ZFYVE26: variants seen among roughly 807,000 people sequenced by gnomAD.
ZFYVE26 encodes the protein zinc finger FYVE domain-containing protein 26.
A neutral mutation model predicts 276.5 loss-of-function variants in ZFYVE26; 181 were observed. The ratio of observed to expected loss-of-function variants is 0.65; its 90% CI spans 0.58 to 0.74. The LOEUF (loss-of-function observed/expected upper bound fraction) is 0.74. Among genes scored for constraint, ZFYVE26 ranks in the 30% least tolerant of loss-of-function variants. The probability of loss-of-function intolerance (pLI) is 0.00; values close to 1 mark genes in which losing one functional copy is unlikely to be tolerated. For missense variants in ZFYVE26, 2,821 were observed against 3,097.9 expected (o/e 0.91, Z 2.12); for synonymous variants, 1,129 against 1,203.1 (o/e 0.94, Z 1.27).
At chr14:67,759,788 A>G (rs1158323430) in intron 35 of ZFYVE26, among the ~76,000 whole-genome samples, 1 of 152,124 alleles carries the variant, frequency 6.6e-6, no homozygotes, top group Non-Finnish European at 1.5e-5. Context: ...AGTTCTTCCT[A>G]TGGCCATGGA....
At chr14:67,812,140 G>A (rs2040315696) in intron 3 of ZFYVE26, among the ~76,000 whole-genome samples, 1 of 151,986 alleles carries the variant, frequency 6.6e-6, no homozygotes, top group Non-Finnish European at 1.5e-5. Context: ...CTCTATGTTA[G>A]TGAAAACTCA....
chr14:67,732,126 CAAAAAAA>C (rs71129854), intron 13 of ZFYVE26, among the ~76,000 whole-genome samples: 3 of 77,528 alleles, frequency 3.9e-5, no homozygotes, highest in Admixed American at 2.7e-4. Flanking sequence ...GACTCTGTCT[CAAAAAAA>C]AAAAAAAAAA....
rs1182271385 is a variant in ZFYVE26, at chr14:67,798,872, C to G, written c.1640-250G>C. 1.6e-5 allele frequency: 14 copies of G among 872,660 alleles called. No individual in the cohort carries two copies. In the East Asian group the frequency reaches 3.2e-4, roughly 20 times the overall value. The allele number at this position is 872,660 out of a possible 1,614,324, so 54.1% of individuals were successfully genotyped here. A position where few individuals can be genotyped will look rare whatever the true frequency, so the allele number is the denominator to read the frequency against. ...TCCCGCCCCGAGGCCAACCGGGCCT[C>G]CCCAGCCTTTTGGCCACCAGGCCCC... On this transcript the variant is annotated intron_variant, in intron 10 of 41. Transcript: ENST00000347230.
chr14:67,775,786 C>G lies in ZFYVE26; in HGVS notation c.5221+74G>C, dbSNP rs1001586493. On this transcript the variant is annotated intron_variant, in intron 26 of 41. Transcript: ENST00000347230. ...TCAACCCAAAATATTAAAAGGGGAG[C>G]AAATTAAAACTAAGAATGCAGCATG... 5.6e-6 allele frequency: 9 copies of G among 1,609,786 alleles called. No homozygotes were observed. The African/African-American group carries it at 1.2e-4, about 22-fold the overall frequency.
chr14:67,776,088 C>G lies in ZFYVE26; in HGVS notation c.4993G>C (p.Glu1665Gln). Residue 1665 changes from glutamate (E) to glutamine (Q), a missense_variant, in exon 26 of 42, where the codon GAG becomes CAG. Coordinates refer to ENST00000347230, the MANE Select transcript of ZFYVE26 (RefSeq NM_015346.4). ...TGGGAATAGCTGGCCCGGTGCTGCTCAGGCAGGGTCAGCAGAATCTGTTTG... is the reference window on the plus strand; with the variant it reads ...TGGGAATAGCTGGCCCGGTGCTGCTGAGGCAGGGTCAGCAGAATCTGTTTG... Reference protein sequence around the residue: ...VGSKILLTLPEQHRASYSHLS... With the variant: ...VGSKILLTLPQQHRASYSHLS... 1 of 1,614,154 alleles carries G rather than the reference C, an allele frequency of 6.2e-7. No individual in the cohort carries two copies. The highest frequency in any genetic ancestry group is 8.5e-7 in the Non-Finnish European group (1 of 1,180,026).
intron 14 of ZFYVE26, 87 bp downstream of exon 14, chr14:67,793,521 G>A: frequency 6.7e-7 from 1 of 1,484,160 alleles, no homozygotes. Flanking sequence ...ACCCCTGAGT[G>A]CTCCCAGGTG....
chr14:67,733,632 G>T (rs1312398452), intron 13 of ZFYVE26: 3 of 712,442 alleles, frequency 4.2e-6, no homozygotes, highest in Non-Finnish European at 7.5e-6. Context: ...GTTTCTTTGA[G>T]TCTGGCATAT....
intron 19 of ZFYVE26, among the ~76,000 whole-genome samples, chr14:67,784,643 A>C (rs559942886): frequency 2.0e-5 from 3 of 152,328 alleles, no homozygotes; most frequent in African/African-American, 7.2e-5. Context: ...AAAGACTTCC[A>C]ACCCCAGACG....
intron 35 of ZFYVE26, among the ~76,000 whole-genome samples, chr14:67,757,243 G>T (rs145539295): frequency 2.5e-3 from 374 of 152,304 alleles, no homozygotes; most frequent in African/African-American, 8.8e-3. Context: ...CCAAGTGACT[G>T]TTGAAACTGA....
At chr14:67,744,495 A>G (rs1382241542), downstream of ZFYVE26, among the ~76,000 whole-genome samples, 2 of 152,148 alleles carry the variant, frequency 1.3e-5, no homozygotes, top group Non-Finnish European at 2.9e-5. Context: ...GGTCTGCTGC[A>G]CCTATCAACC....
Position 67,798,203 on chromosome 14 carries a change from C to G in ZFYVE26, c.2059G>C (p.Ala687Pro). ...TGCTCTTGGAGAAGCCTGAGGAAGGCCCCTATTGCAAATTCATCAGCCAGA... is the reference window on the plus strand; with the variant it reads ...TGCTCTTGGAGAAGCCTGAGGAAGGGCCCTATTGCAAATTCATCAGCCAGA... The part of the protein sequence containing the change: ...GFLADEFAIG[A>P]FLRLLQEQLD... The change falls in exon 11 of 42, where the codon GCC (alanine) becomes CCC (proline). Residue 687 changes from alanine (A) to proline (P), a missense_variant. Physicochemically the swap from Ala to Pro is conservative, Grantham distance 27. Transcript: ENST00000347230. 3.1e-6 allele frequency: 5 copies of G among 1,614,166 alleles called. No individual in the cohort carries two copies. The highest frequency in any genetic ancestry group is 4.2e-6 in the Non-Finnish European group (5 of 1,180,012).
intron 15 of ZFYVE26, among the ~76,000 whole-genome samples, chr14:67,789,827 C>T (rs576911259): frequency 3.3e-5 from 5 of 152,124 alleles, no homozygotes; most frequent in Non-Finnish European, 5.9e-5. Context: ...TTTTTCCAAA[C>T]GGAATCTCAA....
intron 25 of ZFYVE26, 97 bp from the exon 26 acceptor site, chr14:67,776,203 C>G (rs1258059130): frequency 1.3e-6 from 2 of 1,549,554 alleles, no homozygotes; most frequent in Non-Finnish European, 1.8e-6. Flanking sequence ...TGCATGAGAA[C>G]AAAAGGTGCA....
chr14:67,777,961 G>A (rs535726984), intron 24 of ZFYVE26, among the ~76,000 whole-genome samples, 165 bp downstream of exon 24: 1 of 151,990 alleles, frequency 6.6e-6, no homozygotes, highest in South Asian at 2.1e-4. Context: ...GGCACCTAAT[G>A]CAAGGCTAGG....
intron 31 of ZFYVE26, 124 bp from the exon 32 acceptor site, chr14:67,766,571 A>G: frequency 1.2e-6 from 1 of 864,824 alleles, no homozygotes; most frequent in Non-Finnish European, 1.8e-6. Context: ...TGGAAGAAGG[A>G]ACCAGATTCT....
chr14:67,790,903 G>C (rs2039797181), intron 14 of ZFYVE26, 130 bp from the exon 15 acceptor site: 2 of 821,344 alleles, frequency 2.4e-6, no homozygotes, highest in African/African-American at 3.3e-5. Context: ...GGTCAGAAGA[G>C]CACTGAATGT....
At chr14:67,791,648 T>G (rs1442323566) in intron 14 of ZFYVE26, among the ~76,000 whole-genome samples, 7 of 150,828 alleles carry the variant, frequency 4.6e-5, no homozygotes, top group Admixed American at 6.6e-5. Flanking sequence ...AAAATAAAAG[T>G]TTTTATTGAA....
At position 67,776,033 on chromosome 14, in the gene ZFYVE26, T is replaced by C. The variant is rs774117363; in HGVS notation, c.5048A>G (p.Glu1683Gly). 1 of 1,614,162 alleles carries C rather than the reference T, an allele frequency of 6.2e-7. No homozygotes were observed. Among genetic ancestry groups the C allele is most frequent in the Non-Finnish European group, 8.5e-7 (1 of 1,180,026 alleles). Residue 1683 changes from glutamate to glycine, a missense_variant, in exon 26 of 42, where the codon GAG becomes GGG. Coordinates refer to ENST00000347230, the MANE Select transcript of ZFYVE26 (RefSeq NM_015346.4). Reference sequence around the variant, plus strand: ...CACCTTCATGTTCATAAGCAGCTGCTCCAGCATGAACAGGGGGTTAGAGGA... The same window carrying C: ...CACCTTCATGTTCATAAGCAGCTGCCCCAGCATGAACAGGGGGTTAGAGGA... ...HLSSNPLFMLEQLLMNMKVDW... is the reference protein window; with the variant it reads ...HLSSNPLFMLGQLLMNMKVDW...
chr14:67,782,120 A>G (rs569229923), intron 21 of ZFYVE26, among the ~76,000 whole-genome samples: 214 of 152,332 alleles, frequency 1.4e-3, no homozygotes, highest in Admixed American at 3.9e-3. Flanking sequence ...AAAGGGAGCC[A>G]AGCCTCCTAC....
Sources: allele counts gnomAD v4.1 joint callset (sites outside exome capture counted in the v4.1 genomes callset), GRCh38; gene constraint gnomAD v4.1.1; transcripts MANE v1.5; gene names NCBI Gene and HGNC (gene_info 2026-07-23, HGNC 2026-07-21).